Variants in NCALD observed in about 807,000 individuals in gnomAD.
NCALD encodes the protein neurocalcin-delta.
NCALD carries 10 observed loss-of-function variants against 18.6 expected under a neutral mutation model. The observed-to-expected ratio is 0.54, with a 90% CI of 0.33 to 0.91. The LOEUF (loss-of-function observed/expected upper bound fraction) is 0.91. Ranked by LOEUF, NCALD falls within the 40% of genes least tolerant of loss-of-function variation. NCALD has a pLI of 0.03. For synonymous variants in NCALD, 88 were observed against 87.4 expected, an observed-to-expected ratio of 1.01 and a Z score of -0.04; for missense variants, 184 against 247.6, an observed-to-expected ratio of 0.74 and a Z score of 1.72.
At chr8:101,850,955 C>T (rs1815067908) in intron 4 of NCALD, among the ~76,000 whole-genome samples, 1 of 152,164 alleles carries the variant, frequency 6.6e-6, no homozygotes. Context: ...GCAAAAGTTT[C>T]ATGGCCAAAT....
chr8:101,924,771 G>A (rs548319207), intron 2 of NCALD, among the ~76,000 whole-genome samples: 1 of 152,290 alleles, frequency 6.6e-6, no homozygotes, highest in East Asian at 1.9e-4. Context: ...TTACACAAAT[G>A]TCGAAAAAAT....
At chr8:101,843,725 G>T (rs1375643317) in intron 4 of NCALD, among the ~76,000 whole-genome samples, 4 of 151,882 alleles carry the variant, frequency 2.6e-5, no homozygotes, top group African/African-American at 9.7e-5. Flanking sequence ...GGGATTACAG[G>T]CGTGTGCCAC....
chr8:101,690,964 T>G, intron 3 of NCALD: 1 of 985,484 alleles, frequency 1.0e-6, no homozygotes, highest in Middle Eastern at 5.2e-4. Flanking sequence ...ACTGTCTGCA[T>G]GATTCAGAGT....
intron 4 of NCALD, among the ~76,000 whole-genome samples, chr8:101,853,796 T>C (rs932511956): frequency 6.6e-6 from 1 of 152,112 alleles, no homozygotes; most frequent in East Asian, 1.9e-4. Flanking sequence ...CAAGAGACAA[T>C]TGACTTCCAT....
In NCALD at chr8:101,929,277, G is replaced by A. The variant is rs1181039676; in HGVS notation, c.-156-13419C>T. Among the ~76,000 whole-genome samples, 6 of 43,148 alleles carry A rather than the reference G, an allele frequency of 1.4e-4. No homozygotes were observed. The South Asian group carries it at 2.7e-3, about 19-fold the overall frequency. 28.3% of individuals were successfully genotyped at this position (43,148 alleles called of 152,430 possible). ...GAAGGGATGGAGGAAGGGATGGAGGGAGGGAGGGAGGGAGGGAGGGAGGAA... is the reference window on the plus strand; with the variant it reads ...GAAGGGATGGAGGAAGGGATGGAGGAAGGGAGGGAGGGAGGGAGGGAGGAA... On this transcript the variant is annotated intron_variant, in intron 2 of 6. Transcript: ENST00000311028.
chr8:101,887,871 T>C (rs7816729), intron 3 of NCALD, among the ~76,000 whole-genome samples: 19,275 of 152,134 alleles, frequency 0.13, 3,061 homozygotes, highest in African/African-American at 0.37. Context: ...TGGGAAACCA[T>C]AAGTTTGTTG....
chr8:101,839,168 G>C (rs1345644848), intron 4 of NCALD, among the ~76,000 whole-genome samples: 1 of 152,188 alleles, frequency 6.6e-6, no homozygotes, highest in Non-Finnish European at 1.5e-5. Flanking sequence ...GAGGAAAGCT[G>C]TATGTTGAAC....
intron 1 of NCALD, among the ~76,000 whole-genome samples, chr8:102,087,182 G>A (rs1824764522): frequency 6.6e-6 from 1 of 152,244 alleles, no homozygotes; most frequent in South Asian, 2.1e-4. Context: ...TCTTGTGTGA[G>A]ATCCAAGAAC....
chr8:101,732,881 G>A (rs1232613377), intron 1 of NCALD, among the ~76,000 whole-genome samples: 2 of 152,122 alleles, frequency 1.3e-5, no homozygotes, highest in African/African-American at 4.8e-5. Context: ...TGGGATTACA[G>A]CCATGAGCCA....
intron 1 of NCALD, among the ~76,000 whole-genome samples, chr8:102,065,010 C>A (rs1266049286): frequency 0.012 from 1,082 of 87,256 alleles, no homozygotes; most frequent in East Asian, 0.03. Context: ...CTCACTTTGG[C>A]AAAAAAAAAA....
intron 1 of NCALD, among the ~76,000 whole-genome samples, chr8:102,025,880 A>G (rs1355648206): frequency 1.3e-5 from 2 of 152,210 alleles, no homozygotes; most frequent in Non-Finnish European, 2.9e-5. Flanking sequence ...TAAAGAAAAG[A>G]GGTTTAATTG....
chr8:101,892,080 A>C (rs1391634422), intron 3 of NCALD, among the ~76,000 whole-genome samples: 7 of 151,824 alleles, frequency 4.6e-5, no homozygotes, highest in Admixed American at 1.3e-4. Flanking sequence ...AAACAAAAAG[A>C]CAGCAGTAAC....
chr8:101,890,734 G>C (rs1313365879), intron 3 of NCALD, among the ~76,000 whole-genome samples: 1 of 152,180 alleles, frequency 6.6e-6, no homozygotes, highest in Non-Finnish European at 1.5e-5. Context: ...CTCCAAAATG[G>C]TGAGAGATAA....
chr8:101,706,502 G>T (rs1451268518), intron 2 of NCALD, among the ~76,000 whole-genome samples: 4 of 152,180 alleles, frequency 2.6e-5, no homozygotes, highest in Admixed American at 6.5e-5. Context: ...TTGTTGTGAG[G>T]ATTAAATGAG....
At chr8:101,783,603 T>G (rs945143378) in intron 1 of NCALD, among the ~76,000 whole-genome samples, 1 of 152,150 alleles carries the variant, frequency 6.6e-6, no homozygotes, top group Non-Finnish European at 1.5e-5. Context: ...AGAGTAGGTA[T>G]GGGAGAGGGA....
At chr8:101,858,310 T>C (rs1815402227) in intron 4 of NCALD, among the ~76,000 whole-genome samples, 1 of 152,082 alleles carries the variant, frequency 6.6e-6, no homozygotes, top group Non-Finnish European at 1.5e-5. Context: ...TTGAAGTCAA[T>C]GATTTGGCCT....
At position 101,689,478 on chromosome 8, in the gene NCALD, G is replaced by C. The variant is rs950631579; in HGVS notation, c.485-72C>G. ...GAGCTTACACCCTTCCCACTACTGC[G>C]TGCTGGGCAGTGTCGATTCACCTGC... On this transcript the variant is annotated intron_variant, in intron 3 of 3. Coordinates refer to ENST00000220931, the MANE Select transcript of NCALD (RefSeq NM_032041.3). The surrounding 1 kb of genome is among the most constrained non-coding windows in gnomAD (Gnocchi z 4.4). 115 of 1,181,760 alleles carry C rather than the reference G, an allele frequency of 9.7e-5. No individual in the cohort carries two copies. The African/African-American group carries it at 1.4e-3, about 15-fold the overall frequency. The allele number at this position is 1,181,760 out of a possible 1,614,324, so 73.2% of individuals were successfully genotyped here. A position where few individuals can be genotyped will look rare whatever the true frequency, so the allele number is the denominator to read the frequency against.
chr8:102,046,792 T>C (rs1230378749), intron 1 of NCALD, among the ~76,000 whole-genome samples: 2 of 140,526 alleles, frequency 1.4e-5, no homozygotes, highest in African/African-American at 5.0e-5. Flanking sequence ...AATGAGTTTT[T>C]TTTCCTTTTT....
chr8:101,736,138 A>G (rs1213227038), intron 1 of NCALD, among the ~76,000 whole-genome samples: 3 of 152,200 alleles, frequency 2.0e-5, no homozygotes, highest in African/African-American at 7.2e-5. Flanking sequence ...AATGGCAATA[A>G]AAACCCCGAG....
Sources: gnomAD v4.1 joint callset for allele counts (sites outside exome capture counted in the v4.1 genomes callset) on GRCh38, gnomAD v4.1.1 for gene constraint, Gnocchi (gnomAD v3.1) non-coding constraint, MANE v1.5 for transcripts, NCBI Gene and HGNC (gene_info 2026-07-23, HGNC 2026-07-21) for gene names.